The following IGSF9B variants were observed in gnomAD, a reference collection of about 807,000 sequenced individuals.
The protein encoded by IGSF9B is immunoglobulin superfamily member 9B, also known as protein turtle homolog B.
A neutral mutation model predicts 143.7 loss-of-function variants in IGSF9B; 48 were observed. The observed-to-expected ratio is 0.33, with a 90% CI of 0.26 to 0.42. The LOEUF is 0.42. Among genes scored for constraint, IGSF9B ranks in the 20% least tolerant of loss-of-function variants. The pLI, the probability that IGSF9B is intolerant of heterozygous loss-of-function variation, is 1.00. For synonymous variants in IGSF9B, 903 were observed against 833.1 expected (o/e 1.08, Z -1.44); for missense variants, 1,706 against 1,980.0 (o/e 0.86, Z 2.63).
chr11:133,919,942 G>A lies in IGSF9B; in HGVS notation c.3783C>T (p.Ser1261=). 1.3e-6 allele frequency: 2 copies of A among 1,557,826 alleles called. No individual in the cohort carries two copies. Among genetic ancestry groups the A allele is most frequent in the Non-Finnish European group, 1.7e-6 (2 of 1,151,218 alleles). ...GGTAGCTGGGACTCCCACTGCGGCTGCTCTGGGAGGGGGAGCCTGTGGACG... is the reference window on the plus strand; with the variant it reads ...GGTAGCTGGGACTCCCACTGCGGCTACTCTGGGAGGGGGAGCCTGTGGACG... ...STPSTGSPSQ[S]SRSGSPSYRP... is the part of the protein sequence containing the mutation. The change falls in exon 18 of 20, where the codon AGC becomes AGT. Residue 1261 remains serine (S), a synonymous_variant. Coordinates refer to ENST00000533871, the MANE Select transcript of IGSF9B (RefSeq NM_001277285.4).
chr11:133,910,729 C>G (rs887146258), intron 19 of IGSF9B, among the ~76,000 whole-genome samples: 3 of 152,200 alleles, frequency 2.0e-5, no homozygotes. Context: ...CACCACAGAA[C>G]TGGTAACAGG....
At position 133,909,527 on chromosome 11, in the gene IGSF9B, C is replaced by A. The variant is rs1423604531; in HGVS notation, c.4106-250G>T. Among the ~76,000 whole-genome samples, 4 of 152,176 alleles carry A rather than the reference C, an allele frequency of 2.6e-5. No homozygotes were observed. Among genetic ancestry groups the A allele is most frequent in the Non-Finnish European group, 4.4e-5 (3 of 68,036 alleles). On this transcript the variant is annotated intron_variant, in intron 19 of 19. Coordinates refer to ENST00000533871, the MANE Select transcript of IGSF9B (RefSeq NM_001277285.4). This position sits in a 1 kb window ranked among gnomAD's most constrained non-coding sequence, Gnocchi z 4.2. ...AAGAAAGTGGAATGGAGAGGATTTT[C>A]CTTCTCATTCATTTCTTTCTCGATC...
Position 133,906,852 on chromosome 11 carries a change from G to A in IGSF9B, c.*2217C>T, listed in dbSNP as rs1474084134. On this transcript the variant is annotated 3_prime_UTR_variant, in exon 20 of 20. Coordinates refer to ENST00000533871, the MANE Select transcript of IGSF9B (RefSeq NM_001277285.4). ...CTCACACTGCCAGTGCATAAAGGCTGCACGTCAGCTTGCGGTAAGCCCCCA... is the reference window on the plus strand; with the variant it reads ...CTCACACTGCCAGTGCATAAAGGCTACACGTCAGCTTGCGGTAAGCCCCCA... Among the ~76,000 whole-genome samples the A allele has an allele frequency of 6.6e-6, 1 of 152,156 alleles. No homozygotes were observed. The highest frequency in any genetic ancestry group is 1.5e-5 in the Non-Finnish European group (1 of 68,018).
At chr11:133,929,428 GCA>G (rs1416590897) in intron 12 of IGSF9B, among the ~76,000 whole-genome samples, 1 of 152,184 alleles carries the variant, frequency 6.6e-6, no homozygotes, top group East Asian at 1.9e-4. Flanking sequence ...CAGGGAGAGG[GCA>G]CAGAGAGGCC....
chr11:133,921,692 C>T lies in IGSF9B; in HGVS notation c.2328-295G>A, dbSNP rs920147420. 1.9e-4 allele frequency among the ~76,000 whole-genome samples: 29 copies of T among 151,978 alleles called. 1 individual carries two copies. The highest frequency in any genetic ancestry group is 6.5e-4 in the African/African-American group (27 of 41,364). On this transcript the variant is annotated intron_variant, in intron 17 of 19. Coordinates refer to ENST00000533871, the MANE Select transcript of IGSF9B (RefSeq NM_001277285.4). ...TGCCAGGATTACAGGTGTGAGCCGC[C>T]GCGCCCGGCCCCCCCCATCATCCGT...
At chr11:133,937,608 G>A in intron 4 of IGSF9B, 115 bp from the exon 5 acceptor site, 1 of 997,508 alleles carries the variant, frequency 1.0e-6, no homozygotes, top group East Asian at 2.6e-5. Context: ...AGGGACAGAT[G>A]CATCTGGGGG....
chr11:133,921,835 A>G (rs577665552), intron 17 of IGSF9B, among the ~76,000 whole-genome samples: 18 of 152,228 alleles, frequency 1.2e-4, no homozygotes, highest in African/African-American at 3.6e-4. Context: ...TCACTTTAAT[A>G]TCAACTTAAG....
In IGSF9B at chr11:133,907,547, C is replaced by T. The variant is rs886784276; in HGVS notation, c.*1522G>A. ...ACACAAGAGTGGGGGAGGGGCAGATCTCCCCTCCACCCCGCCCTCGGGGCC... is the reference window on the plus strand; with the variant it reads ...ACACAAGAGTGGGGGAGGGGCAGATTTCCCCTCCACCCCGCCCTCGGGGCC... On this transcript the variant is annotated 3_prime_UTR_variant, in exon 20 of 20. Transcript: ENST00000533871. Among the ~76,000 whole-genome samples, 4 of 152,232 alleles carry T rather than the reference C, an allele frequency of 2.6e-5. No individual in the cohort carries two copies. The highest frequency in any genetic ancestry group is 5.9e-5 in the Non-Finnish European group (4 of 68,040).
chr11:133,910,591 CA>C (rs1939286928), intron 19 of IGSF9B, among the ~76,000 whole-genome samples: 1 of 152,096 alleles, frequency 6.6e-6, no homozygotes, highest in Non-Finnish European at 1.5e-5. Flanking sequence ...AGAGGCTGAT[CA>C]ATAACTCTGC....
intron 1 of IGSF9B, among the ~76,000 whole-genome samples, chr11:133,955,869 A>C (rs1038664997): frequency 6.6e-6 from 1 of 151,854 alleles, no homozygotes; most frequent in African/African-American, 2.4e-5. Context: ...GCTCGGATTC[A>C]CAGCGTGGGG....
rs900558436 is a variant in IGSF9B, at chr11:133,906,954, G to A, written c.*2115C>T. Among the ~76,000 whole-genome samples the A allele has an allele frequency of 6.6e-6, 1 of 152,132 alleles. No individual in the cohort carries two copies. The highest frequency in any genetic ancestry group is 2.4e-5 in the African/African-American group (1 of 41,424). Reference sequence around the variant, plus strand: ...GACGCCCAAGTGAGCAGCACATCACGACGCGGGGGCAGAGGGTGTGCTACC... The same window carrying A: ...GACGCCCAAGTGAGCAGCACATCACAACGCGGGGGCAGAGGGTGTGCTACC... On this transcript the variant is annotated 3_prime_UTR_variant, in exon 20 of 20. Transcript: ENST00000533871.
chr11:133,935,563 C>T, intron 7 of IGSF9B, 54 bp downstream of exon 7: 2 of 1,563,868 alleles, frequency 1.3e-6, no homozygotes, highest in African/African-American at 1.4e-5. Flanking sequence ...GTCTGGCTAA[C>T]ACCAAAACCT....
rs1939115963 is a variant in IGSF9B at position 133,901,393 on chromosome 11, CATATAG to C, written c.*7670_*7675del. 6.6e-6 allele frequency: 1 copy of C among 152,072 alleles called. No homozygotes were observed. The highest frequency in any genetic ancestry group is 1.5e-5 in the Non-Finnish European group (1 of 68,016). 9.4% of individuals were successfully genotyped at this position (152,072 alleles called of 1,614,324 possible). On this transcript the variant is annotated 3_prime_UTR_variant, in exon 20 of 20. Coordinates refer to ENST00000533871, the MANE Select transcript of IGSF9B (RefSeq NM_001277285.4). ...ACAAAAATAAAGCAAACTATGACTTCATATAGATATAGAGATATATAGACTTTATCT... is the reference window on the plus strand; with the variant it reads ...ACAAAAATAAAGCAAACTATGACTTCATATAGAGATATATAGACTTTATCT...
At position 133,910,475 on chromosome 11, in the gene IGSF9B, A is replaced by G. The variant is rs183138501; in HGVS notation, c.4106-1198T>C. ...GGCATTACCTAGCGGGCTCGACGTAAGATGTGAAGGCAAGGGAAGAATCTG... is the reference window on the plus strand; with the variant it reads ...GGCATTACCTAGCGGGCTCGACGTAGGATGTGAAGGCAAGGGAAGAATCTG... On this transcript the variant is annotated intron_variant, in intron 19 of 19. Coordinates refer to ENST00000533871, the MANE Select transcript of IGSF9B (RefSeq NM_001277285.4). 5.9e-5 allele frequency among the ~76,000 whole-genome samples: 9 copies of G among 152,346 alleles called. No individual in the cohort carries two copies. The East Asian group carries it at 1.7e-3, about 29-fold the overall frequency.
At chr11:133,925,081 T>C (rs528509822) in intron 14 of IGSF9B, among the ~76,000 whole-genome samples, 177 bp from the exon 15 acceptor site, 1 of 152,230 alleles carries the variant, frequency 6.6e-6, no homozygotes, top group South Asian at 2.1e-4. Context: ...GTGTAAACAC[T>C]CTTACAATGG....
rs543274049 is a variant in IGSF9B, at chr11:133,913,478, G to C, written c.3984-1471C>G. ...TTCCTGCATGCACTGGCAATGCAGTGACCTCCATCTTCCTGGGGGATGTCA... is the reference window on the plus strand; with the variant it reads ...TTCCTGCATGCACTGGCAATGCAGTCACCTCCATCTTCCTGGGGGATGTCA... On this transcript the variant is annotated intron_variant, in intron 18 of 19. Transcript: ENST00000533871. The surrounding 1 kb of genome is among the most constrained non-coding windows in gnomAD (Gnocchi z 4.6). Among the ~76,000 whole-genome samples, 1 of 152,322 alleles carries C rather than the reference G, an allele frequency of 6.6e-6. No homozygotes were observed. The highest frequency in any genetic ancestry group is 2.4e-5 in the African/African-American group (1 of 41,566).
rs973072819 is a variant in IGSF9B at position 133,921,575 on chromosome 11, C to CT, written c.2328-179dup. On this transcript the variant is annotated intron_variant, in intron 17 of 19. Transcript: ENST00000533871. ...CTCCACCGTCTGGACGTGAATCCTC[C>CT]TTTTTTTTTTAAAGACGGGGTCTTG... 3.7e-3 allele frequency among the ~76,000 whole-genome samples: 556 copies of CT among 149,064 alleles called. 2 individuals carry two copies. The highest frequency in any genetic ancestry group is 0.012 in the African/African-American group (479 of 40,750).
rs779291335 is a variant in IGSF9B, at chr11:133,925,909, T to G, written c.1864A>C (p.Ile622Leu). The change falls in exon 14 of 20, where the codon ATA becomes CTA. Residue 622 changes from isoleucine to leucine, a missense_variant. By Grantham distance (5) the Ile-to-Leu change is conservative. Around this residue, in one of 7 missense-constraint regions of IGSF9B, gnomAD observed 267 missense variants for 321.1 expected, o/e 0.83. Transcript: ENST00000533871. ...LVLVTPPRCL[I>L]ANRTQQGVLL... ...ACACCCTGCTGAGTCCGATTGGCTA[T>G]GAGGCACCTCGGTGGGGTGACCAGC... 5.0e-6 allele frequency: 8 copies of G among 1,611,780 alleles called. No homozygotes were observed. In the African/African-American group the frequency reaches 1.1e-4, roughly 22 times the overall value.
intron 12 of IGSF9B, among the ~76,000 whole-genome samples, chr11:133,927,452 G>C (rs796882542): frequency 6.6e-5 from 10 of 152,320 alleles, no homozygotes; most frequent in African/African-American, 2.2e-4. Context: ...TGGGGTATGG[G>C]GATAAGCGGC....
Sources: allele counts gnomAD v4.1 joint callset (sites outside exome capture counted in the v4.1 genomes callset), GRCh38; gene constraint gnomAD v4.1.1; regional missense constraint gnomAD v4.1.1; non-coding constraint Gnocchi (gnomAD v3.1); transcripts MANE v1.5; gene names NCBI Gene and HGNC (gene_info 2026-07-23, HGNC 2026-07-21).